DENND4C: variants seen among roughly 807,000 people sequenced by gnomAD.
DENND4C encodes DENN domain containing 4C.
Under a neutral mutation model 203.0 loss-of-function variants are expected in DENND4C, and 108 were observed. The ratio of observed to expected loss-of-function variants is 0.53; its 90% CI spans 0.46 to 0.62. The LOEUF is 0.62. DENND4C is among the 20% of genes least tolerant of loss of function. DENND4C has a pLI of 0.00. For missense variants in DENND4C, 2,481 were observed against 2,301.2 expected, an observed-to-expected ratio of 1.08 and a Z score of -1.60; for synonymous variants, 871 against 792.4, an observed-to-expected ratio of 1.10 and a Z score of -1.67.
intron 1 of DENND4C, among the ~76,000 whole-genome samples, chr9:19,254,277 T>C (rs1037908770): frequency 6.6e-6 from 1 of 152,218 alleles, no homozygotes; most frequent in Non-Finnish European, 1.5e-5. Context: ...TGAAGAGATA[T>C]CTGTACCCCC....
chr9:19,258,103 G>A (rs1467010324), intron 1 of DENND4C, among the ~76,000 whole-genome samples: 2 of 147,960 alleles, frequency 1.4e-5, no homozygotes. Flanking sequence ...GGGCAACAGA[G>A]TAAGACCCTG....
At chr9:19,303,860 T>C (rs1449857567) in intron 9 of DENND4C, among the ~76,000 whole-genome samples, 2 of 152,128 alleles carry the variant, frequency 1.3e-5, no homozygotes, top group African/African-American at 4.8e-5. Context: ...TAAATTTTTT[T>C]TTGTAAAATT....
intron 6 of DENND4C, among the ~76,000 whole-genome samples, chr9:19,297,507 A>G (rs1248655933): frequency 1.3e-5 from 2 of 152,206 alleles, no homozygotes; most frequent in Non-Finnish European, 2.9e-5. Flanking sequence ...AAAAATTAAG[A>G]TTCTATGAAT....
intron 5 of DENND4C, among the ~76,000 whole-genome samples, chr9:19,292,738 G>T (rs1025208037): frequency 1.3e-5 from 2 of 150,576 alleles, no homozygotes; most frequent in African/African-American, 4.9e-5. Flanking sequence ...TTGAGATGGG[G>T]TTTCACCATG....
chr9:19,234,530 GTTT>G (rs34232597), intron 1 of DENND4C, among the ~76,000 whole-genome samples: 1 of 104,452 alleles, frequency 9.6e-6, no homozygotes. Flanking sequence ...GCACCTGGCT[GTTT>G]TTTTTTTTTT....
intron 6 of DENND4C, 101 bp from the exon 7 acceptor site, chr9:19,297,955 G>A (rs1183359472): frequency 5.5e-6 from 5 of 904,888 alleles, no homozygotes; most frequent in Non-Finnish European, 8.1e-6. Flanking sequence ...AAATGGCCAT[G>A]TCATATCTGG....
chr9:19,347,422 T>C (rs1002782760), intron 23 of DENND4C, among the ~76,000 whole-genome samples: 11 of 152,224 alleles, frequency 7.2e-5, no homozygotes, highest in Admixed American at 7.2e-4. Flanking sequence ...TGAGCCACCA[T>C]GCCTGGCTGA....
intron 17 of DENND4C, among the ~76,000 whole-genome samples, 163 bp from the exon 18 acceptor site, chr9:19,334,814 C>T (rs951846705): frequency 6.6e-6 from 1 of 152,100 alleles, no homozygotes; most frequent in African/African-American, 2.4e-5. Flanking sequence ...AGCCACTGTG[C>T]CCAGCCTGAA....
chr9:19,366,850 A>G (rs888727638), intron 30 of DENND4C, among the ~76,000 whole-genome samples: 10 of 152,216 alleles, frequency 6.6e-5, no homozygotes, highest in Non-Finnish European at 1.5e-4. Flanking sequence ...GAAAAAGTAG[A>G]TAAGTTGGAT....
At chr9:19,366,521 G>A (rs59380493) in intron 30 of DENND4C, among the ~76,000 whole-genome samples, 8,949 of 152,076 alleles carry the variant, frequency 0.059, 850 homozygotes, top group African/African-American at 0.2. Flanking sequence ...GGAGAATGGC[G>A]TGAACCCAGG....
At chr9:19,252,625 A>G (rs773397426) in intron 1 of DENND4C, among the ~76,000 whole-genome samples, 12 of 152,094 alleles carry the variant, frequency 7.9e-5, no homozygotes, top group African/African-American at 1.2e-4. Flanking sequence ...ATTCCTTTCA[A>G]TGTGGTTGTG....
intron 2 of DENND4C, chr9:19,276,693 C>T (rs574751439): frequency 1.9e-4 from 68 of 349,620 alleles, no homozygotes; most frequent in African/African-American, 1.2e-3. Context: ...ATTGTTAGAT[C>T]ATTTGCTTTC....
At chr9:19,235,909 C>G (rs960429227) in intron 1 of DENND4C, among the ~76,000 whole-genome samples, 1 of 151,772 alleles carries the variant, frequency 6.6e-6, no homozygotes, top group African/African-American at 2.4e-5. Context: ...GAAGAGTCAT[C>G]TTATATATCT....
chr9:19,334,271 G>A (rs985687575), intron 17 of DENND4C, among the ~76,000 whole-genome samples: 1 of 151,980 alleles, frequency 6.6e-6, no homozygotes, highest in Admixed American at 6.6e-5. Context: ...GGCTGATCTC[G>A]AACTCCTGAC....
At chr9:19,369,430 A>G (rs964670510) in intron 30 of DENND4C, among the ~76,000 whole-genome samples, 4 of 152,206 alleles carry the variant, frequency 2.6e-5, no homozygotes, top group East Asian at 1.9e-4. Flanking sequence ...GGGAAGTGCT[A>G]TTGGTTAAGC....
chr9:19,345,462 C>T (rs939965725), intron 22 of DENND4C, among the ~76,000 whole-genome samples: 1 of 152,168 alleles, frequency 6.6e-6, no homozygotes, highest in African/African-American at 2.4e-5. Flanking sequence ...GCTAAGCATT[C>T]CATTCCGGAT....
intron 1 of DENND4C, among the ~76,000 whole-genome samples, chr9:19,275,779 A>T (rs1163438109): frequency 4.6e-5 from 7 of 151,904 alleles, no homozygotes; most frequent in Non-Finnish European, 8.8e-5. Context: ...CCTAATATTT[A>T]TATTTTTAGT....
intron 5 of DENND4C, among the ~76,000 whole-genome samples, chr9:19,295,307 C>T (rs1011444953): frequency 6.6e-6 from 1 of 152,178 alleles, no homozygotes; most frequent in African/African-American, 2.4e-5. Context: ...AGATCGAGAC[C>T]ATCCTGGCTA....
Position 19,352,479 on chromosome 9 carries a change from T to G in DENND4C, c.4606-11T>G, listed in dbSNP as rs1824379250. Reference sequence around the variant, plus strand: ...TAAACGTTCTCAGTGTCTGCATTTTTCTGTTTTTAGGTTTTGATGTCCAGT... The same window carrying G: ...TAAACGTTCTCAGTGTCTGCATTTTGCTGTTTTTAGGTTTTGATGTCCAGT... On this transcript the variant is annotated splice_polypyrimidine_tract_variant and intron_variant, in intron 25 of 32. Coordinates refer to ENST00000434457, the MANE Select transcript of DENND4C (RefSeq NM_001330640.2). 8 of 1,554,322 alleles carry G rather than the reference T, an allele frequency of 5.1e-6. No individual in the cohort carries two copies. Among genetic ancestry groups the G allele is most frequent in the African/African-American group, 1.4e-5 (1 of 72,624 alleles).
Sources: gnomAD v4.1 joint callset for allele counts (sites outside exome capture counted in the v4.1 genomes callset) on GRCh38, gnomAD v4.1.1 for gene constraint, MANE v1.5 for transcripts, NCBI Gene and HGNC (gene_info 2026-07-23, HGNC 2026-07-21) for gene names.